PKN2: variants seen among roughly 807,000 people sequenced by gnomAD.
PKN2 encodes serine/threonine-protein kinase N2.
In PKN2, 38 loss-of-function variants were observed where a neutral mutation model predicts 119.1. The ratio of observed to expected loss-of-function variants is 0.32; its 90% CI spans 0.25 to 0.42. The LOEUF (loss-of-function observed/expected upper bound fraction) is 0.42. Ranked by LOEUF, PKN2 falls within the 10% of genes least tolerant of loss-of-function variation. The pLI, the probability that PKN2 is intolerant of heterozygous loss-of-function variation, is 1.00. For synonymous variants in PKN2, 390 were observed against 384.9 expected, an observed-to-expected ratio of 1.01 and a Z score of -0.15; for missense variants, 850 against 1,165.1, an observed-to-expected ratio of 0.73 and a Z score of 3.94.
At chr1:88,759,762 T>A (rs1167726975) in intron 2 of PKN2, among the ~76,000 whole-genome samples, 2 of 152,076 alleles carry the variant, frequency 1.3e-5, no homozygotes, top group Non-Finnish European at 2.9e-5. Context: ...AACTAGAAAA[T>A]CTAGAAGAAA....
At chr1:88,703,210 T>C (rs2100668831) in intron 1 of PKN2, among the ~76,000 whole-genome samples, 2 of 152,288 alleles carry the variant, frequency 1.3e-5, no homozygotes, top group South Asian at 4.1e-4. Flanking sequence ...AAGTTTTTTT[T>C]TAATGTATAG....
chr1:88,782,704 G>T (rs1372311972), intron 6 of PKN2, among the ~76,000 whole-genome samples: 3 of 151,612 alleles, frequency 2.0e-5, no homozygotes, highest in Non-Finnish European at 4.4e-5. Flanking sequence ...CCATGTGTCT[G>T]TGCCACATTT....
chr1:88,688,848 G>A (rs918021774), intron 1 of PKN2, among the ~76,000 whole-genome samples: 2 of 152,198 alleles, frequency 1.3e-5, no homozygotes, highest in Non-Finnish European at 2.9e-5. Context: ...TAGGAGGAGG[G>A]ATGTCTAGGT....
intron 3 of PKN2, among the ~76,000 whole-genome samples, chr1:88,765,751 C>T (rs1400772857): frequency 3.3e-5 from 5 of 152,144 alleles, no homozygotes; most frequent in East Asian, 1.9e-4. Flanking sequence ...TATAATGACT[C>T]GGGAAACCTT....
intron 1 of PKN2, among the ~76,000 whole-genome samples, chr1:88,739,301 A>C (rs537577277): frequency 2.6e-3 from 285 of 107,940 alleles, no homozygotes; most frequent in South Asian, 1.9e-3. Context: ...GCAAAATCCC[A>C]TCTCTACCAG....
chr1:88,780,354 A>G (rs1346845412), intron 6 of PKN2, among the ~76,000 whole-genome samples: 1 of 152,228 alleles, frequency 6.6e-6, no homozygotes, highest in Non-Finnish European at 1.5e-5. Flanking sequence ...CACAGTTAAA[A>G]AATAGTTTAA....
chr1:88,827,030 G>A (rs1570692176), intron 18 of PKN2, among the ~76,000 whole-genome samples: 1 of 151,738 alleles, frequency 6.6e-6, no homozygotes, highest in South Asian at 2.1e-4. Flanking sequence ...TTCAGGTCTT[G>A]GTTCATAGAC....
intron 1 of PKN2, among the ~76,000 whole-genome samples, chr1:88,702,788 CTA>C (rs1352050331): frequency 6.6e-6 from 1 of 151,730 alleles, no homozygotes; most frequent in East Asian, 1.9e-4. Context: ...CAGTTGAAAA[CTA>C]TTTTTCTGTG....
chr1:88,715,601 A>G (rs1667415125), intron 1 of PKN2, among the ~76,000 whole-genome samples: 1 of 151,986 alleles, frequency 6.6e-6, no homozygotes, highest in South Asian at 2.1e-4. Flanking sequence ...TTTCTGTGGG[A>G]TCGGTGGTGA....
intron 18 of PKN2, among the ~76,000 whole-genome samples, chr1:88,827,528 T>C (rs1672546239): frequency 6.6e-6 from 1 of 151,942 alleles, no homozygotes; most frequent in Admixed American, 6.6e-5. Flanking sequence ...ATCATGTTGG[T>C]GCCCAAAAAG....
rs928243487 is a variant in PKN2 at position 88,727,346 on chromosome 1, G to GT, written c.49-13636dup. On this transcript the variant is annotated intron_variant, in intron 1 of 21. Transcript: ENST00000370521. Reference sequence around the variant, plus strand: ...AGGTAACATATGGGTTTTTGTTTTTGTTTTTTAAGAGATGGGGTCTCACTG... The same window carrying GT: ...AGGTAACATATGGGTTTTTGTTTTTGTTTTTTTAAGAGATGGGGTCTCACTG... Among the ~76,000 whole-genome samples the GT allele has an allele frequency of 1.7e-4, 26 of 151,872 alleles. 1 individual carries two copies. In the East Asian group the frequency reaches 4.4e-3, roughly 26 times the overall value.
At chr1:88,833,014 T>G in intron 20 of PKN2, 63 bp from the exon 21 acceptor site, 2 of 1,434,382 alleles carry the variant, frequency 1.4e-6, no homozygotes, top group Middle Eastern at 1.9e-4. Context: ...AAAGTAATAA[T>G]CCTTATCAGT....
At chr1:88,800,905 C>G (rs796448290) in intron 8 of PKN2, among the ~76,000 whole-genome samples, 1 of 152,290 alleles carries the variant, frequency 6.6e-6, no homozygotes, top group African/African-American at 2.4e-5. Flanking sequence ...AACTGAAACA[C>G]AAGTTGGGAC....
chr1:88,815,710 A>G (rs1261556335), intron 16 of PKN2, among the ~76,000 whole-genome samples: 1 of 152,224 alleles, frequency 6.6e-6, no homozygotes, highest in African/African-American at 2.4e-5. Flanking sequence ...GCTCTGTAAA[A>G]TATCTTAAGG....
At chr1:88,717,735 G>A (rs1036628480) in intron 1 of PKN2, among the ~76,000 whole-genome samples, 4 of 151,932 alleles carry the variant, frequency 2.6e-5, no homozygotes, top group South Asian at 2.1e-4. Flanking sequence ...CGATGGGTTC[G>A]AACATCCTCC....
rs527405529 is a variant in PKN2, at chr1:88,835,557, AATAT to A, written c.*2118_*2121del. 9.8e-5 allele frequency: 15 copies of A among 152,426 alleles called. No homozygotes were observed. Among genetic ancestry groups the A allele is most frequent in the Admixed American group, 3.9e-4 (6 of 15,236 alleles). The allele number at this position is 152,426 out of a possible 1,614,324, so 9.4% of individuals were successfully genotyped here. A position where few individuals can be genotyped will look rare whatever the true frequency, so the allele number is the denominator to read the frequency against. ...AAAGCACTAATTTTTTGTAGTTTAAAATATATATATATTTTAGTCAGATTTAAAA... is the reference window on the plus strand; with the variant it reads ...AAAGCACTAATTTTTTGTAGTTTAAAATATATATTTTAGTCAGATTTAAAA... On this transcript the variant is annotated 3_prime_UTR_variant, in exon 22 of 22. Transcript: ENST00000370521.
At chr1:88,807,974 G>A (rs1671618289) in intron 15 of PKN2, among the ~76,000 whole-genome samples, 199 bp downstream of exon 15, 1 of 151,864 alleles carries the variant, frequency 6.6e-6, no homozygotes, top group Non-Finnish European at 1.5e-5. Context: ...CAATTAACTG[G>A]TTAATGGATA....
intron 1 of PKN2, among the ~76,000 whole-genome samples, chr1:88,735,392 GC>G (rs1238940884): frequency 6.6e-6 from 1 of 151,920 alleles, no homozygotes; most frequent in African/African-American, 2.4e-5. Flanking sequence ...GAGCTCCTGA[GC>G]TCAAGCAGTC....
intron 2 of PKN2, among the ~76,000 whole-genome samples, chr1:88,757,746 G>GT: frequency 6.6e-6 from 1 of 152,126 alleles, no homozygotes; most frequent in East Asian, 1.9e-4. Context: ...TAGATTCAAG[G>GT]TAAGTGTTCC....
Sources: gnomAD v4.1 joint callset for allele counts (sites outside exome capture counted in the v4.1 genomes callset) on GRCh38, gnomAD v4.1.1 for gene constraint, MANE v1.5 for transcripts, NCBI Gene and HGNC (gene_info 2026-07-23, HGNC 2026-07-21) for gene names.